Variants in NYAP2 observed in about 807,000 individuals in gnomAD.
NYAP2 encodes neuronal tyrosine-phosphorylated phosphoinositide-3-kinase adaptor 2.
Under a neutral mutation model 50.4 loss-of-function variants are expected in NYAP2, and 23 were observed. The observed-to-expected ratio is 0.46, with a 90% CI of 0.33 to 0.65. The LOEUF (loss-of-function observed/expected upper bound fraction) is 0.65, where lower values mean the gene tolerates loss of function less well. Among genes scored for constraint, NYAP2 ranks in the 30% least tolerant of loss-of-function variants. The pLI is 0.02. For synonymous variants in NYAP2, 394 were observed against 365.2 expected (o/e 1.08, Z -0.90); for missense variants, 885 against 861.0 (o/e 1.03, Z -0.35).
At chr2:225,562,206 G>A (rs1171077157) in intron 4 of NYAP2, among the ~76,000 whole-genome samples, 1 of 152,134 alleles carries the variant, frequency 6.6e-6, no homozygotes, top group Non-Finnish European at 1.5e-5. Context: ...GGAAAGAACA[G>A]TTTCTGCTAT....
intron 6 of NYAP2, among the ~76,000 whole-genome samples, chr2:225,634,084 A>C (rs149087454): frequency 3.0e-4 from 46 of 152,244 alleles, no homozygotes; most frequent in African/African-American, 1.0e-3. Context: ...CTGGTAAGAG[A>C]GAGACATGCA....
chr2:225,555,640 T>A (rs778686838), intron 4 of NYAP2, among the ~76,000 whole-genome samples: 3 of 152,168 alleles, frequency 2.0e-5, no homozygotes, highest in Admixed American at 6.5e-5. Context: ...AATGCCTAAG[T>A]AGGCTTTCCT....
chr2:225,590,811 C>G (rs1185276063), intron 5 of NYAP2, among the ~76,000 whole-genome samples: 1 of 152,164 alleles, frequency 6.6e-6, no homozygotes, highest in Non-Finnish European at 1.5e-5. Context: ...ATTTCACTAC[C>G]TGTGGATTCT....
At chr2:225,527,642 CTACTT>C (rs1691175777) in intron 4 of NYAP2, among the ~76,000 whole-genome samples, 1 of 152,080 alleles carries the variant, frequency 6.6e-6, no homozygotes, top group South Asian at 2.1e-4. Flanking sequence ...CCAGAACAAT[CTACTT>C]TATTATTATT....
At chr2:225,632,242 A>AACTGTTTCTCCTCCTTC (rs1475712951) in intron 6 of NYAP2, among the ~76,000 whole-genome samples, 1 of 152,194 alleles carries the variant, frequency 6.6e-6, no homozygotes, top group Non-Finnish European at 1.5e-5. Context: ...AGTCAGTATT[A>AACTGTTTCTCCTCCTTC]ACTGTTTCTC....
chr2:225,398,250 T>C (rs1256771582), upstream of NYAP2, among the ~76,000 whole-genome samples: 1 of 151,982 alleles, frequency 6.6e-6, no homozygotes, highest in Non-Finnish European at 1.5e-5. Context: ...AATGAGGCAA[T>C]TAAGTAAGTC....
intron 4 of NYAP2, among the ~76,000 whole-genome samples, chr2:225,543,701 G>A (rs1574668931): frequency 6.6e-6 from 1 of 152,050 alleles, no homozygotes; most frequent in South Asian, 2.1e-4. Context: ...CCTTGAGAAT[G>A]TTCCATGTGC....
intron 4 of NYAP2, among the ~76,000 whole-genome samples, chr2:225,533,952 A>C (rs1437518152): frequency 1.3e-5 from 2 of 152,204 alleles, no homozygotes; most frequent in Admixed American, 6.5e-5. Context: ...AGGTTATCCT[A>C]TGTTTCTAAC....
chr2:225,444,701 A>T (rs545463412), intron 3 of NYAP2, among the ~76,000 whole-genome samples: 1 of 152,354 alleles, frequency 6.6e-6, no homozygotes, highest in East Asian at 1.9e-4. Context: ...CACTGAAGTC[A>T]TCATTGGCCA....
At chr2:225,593,061 G>GT (rs781662650) in intron 5 of NYAP2, among the ~76,000 whole-genome samples, 1 of 151,994 alleles carries the variant, frequency 6.6e-6, no homozygotes, top group East Asian at 1.9e-4. Context: ...TTTAATTTCT[G>GT]TTTTTTTAGA....
intron 6 of NYAP2, among the ~76,000 whole-genome samples, chr2:225,640,909 G>A (rs542063609): frequency 2.0e-5 from 3 of 152,128 alleles, no homozygotes; most frequent in Non-Finnish European, 4.4e-5. Flanking sequence ...CAACTTGATA[G>A]TAATTTCATT....
chr2:225,604,490 T>C (rs918825633), intron 5 of NYAP2, among the ~76,000 whole-genome samples: 2 of 152,184 alleles, frequency 1.3e-5, no homozygotes, highest in South Asian at 2.1e-4. Context: ...GGCAAAACCA[T>C]AGTATTATGA....
At chr2:225,523,880 T>C (rs1691108815) in intron 4 of NYAP2, among the ~76,000 whole-genome samples, 1 of 152,062 alleles carries the variant, frequency 6.6e-6, no homozygotes, top group African/African-American at 2.4e-5. Flanking sequence ...TGGAAGGGAA[T>C]AGAGAACCCA....
intron 4 of NYAP2, among the ~76,000 whole-genome samples, chr2:225,576,438 T>C (rs1435449494): frequency 6.6e-6 from 1 of 152,092 alleles, no homozygotes; most frequent in Non-Finnish European, 1.5e-5. Context: ...TAGTGGATAG[T>C]ATTGTGGGGC....
chr2:225,458,465 GA>G (rs1182282630), intron 3 of NYAP2, among the ~76,000 whole-genome samples: 15 of 152,124 alleles, frequency 9.9e-5, no homozygotes, highest in African/African-American at 3.1e-4. Context: ...CTTACATTTA[GA>G]AAAAAATATC....
At chr2:225,568,618 T>G (rs918295854) in intron 4 of NYAP2, among the ~76,000 whole-genome samples, 1 of 152,212 alleles carries the variant, frequency 6.6e-6, no homozygotes, top group African/African-American at 2.4e-5. Context: ...TTTACCCTAA[T>G]GATTTAGCTA....
At chr2:225,604,910 A>G (rs1460858560) in intron 5 of NYAP2, among the ~76,000 whole-genome samples, 1 of 152,126 alleles carries the variant, frequency 6.6e-6, no homozygotes, top group African/African-American at 2.4e-5. Context: ...CTTACTTTTT[A>G]CATGAAATTT....
chr2:225,658,478 C>T (rs1396727528), downstream of NYAP2, among the ~76,000 whole-genome samples: 1 of 151,994 alleles, frequency 6.6e-6, no homozygotes, highest in East Asian at 1.9e-4. Context: ...TGATATTTAC[C>T]AAAGAATTTG....
intron 4 of NYAP2, among the ~76,000 whole-genome samples, chr2:225,563,444 A>G (rs1203886299): frequency 6.6e-6 from 1 of 152,108 alleles, no homozygotes; most frequent in Non-Finnish European, 1.5e-5. Context: ...CTCTGGCTGC[A>G]GGGAGTTATC....
Sources: allele counts gnomAD v4.1 joint callset (sites outside exome capture counted in the v4.1 genomes callset), GRCh38; gene constraint gnomAD v4.1.1; transcripts MANE v1.5; gene names NCBI Gene and HGNC (gene_info 2026-07-23, HGNC 2026-07-21).